Variants in FER1L5 observed in about 807,000 individuals in gnomAD.
FER1L5 encodes the protein fer-1 like family member 5, also known as fer-1-like protein 5.
FER1L5 carries 187 observed loss-of-function variants against 279.9 expected under a neutral mutation model. That is an observed-to-expected ratio of 0.67 (90% CI 0.59 to 0.75). The LOEUF (loss-of-function observed/expected upper bound fraction) is 0.75, where lower values mean the gene tolerates loss of function less well. Ranked by LOEUF, FER1L5 falls within the 30% of genes least tolerant of loss-of-function variation. The probability of loss-of-function intolerance (pLI) is 0.00; values close to 1 mark genes in which losing one functional copy is unlikely to be tolerated. For synonymous variants in FER1L5, 921 were observed against 989.7 expected (o/e 0.93, Z 1.30); for missense variants, 2,091 against 2,594.4 (o/e 0.81, Z 4.21).
At chr2:96,674,259 G>A (rs1015099648) in intron 19 of FER1L5, among the ~76,000 whole-genome samples, 1 of 152,176 alleles carries the variant, frequency 6.6e-6, no homozygotes. Context: ...ATGTCTCTCT[G>A]TTGCCCAGGC....
At chr2:96,684,472 T>G in intron 20 of FER1L5, 21 bp downstream of exon 20, 1 of 1,546,676 alleles carries the variant, frequency 6.5e-7, no homozygotes, top group Middle Eastern at 1.7e-4. Context: ...CGGGAGCCGA[T>G]GCTGGGAAGA....
intron 8 of FER1L5, chr2:96,654,066 C>A (rs540680903): frequency 5.6e-6 from 2 of 354,474 alleles, no homozygotes; most frequent in East Asian, 5.7e-5. Context: ...CTACTATGTG[C>A]CCAGCACAGG....
chr2:96,696,040 C>A lies in FER1L5; in HGVS notation c.4058-12C>A. On this transcript the variant is annotated splice_polypyrimidine_tract_variant and intron_variant, in intron 36 of 52. Transcript: ENST00000624922. ...CCATCCTGAGACTCGTCCCTGCGCT[C>A]TCCCCGCACAGCGCTGTCTGAGAAG... The A allele has an allele frequency of 6.2e-7, 1 of 1,613,948 alleles. No individual in the cohort carries two copies.
At chr2:96,696,641 C>CGGG (rs2077392084) in intron 37 of FER1L5, among the ~76,000 whole-genome samples, 1 of 151,992 alleles carries the variant, frequency 6.6e-6, no homozygotes, top group Non-Finnish European at 1.5e-5. Flanking sequence ...TGGCTCACAT[C>CGGG]TGTAATCCCA....
chr2:96,686,256 A>G lies in FER1L5; in HGVS notation c.2135A>G (p.Tyr712Cys). 2 of 1,551,622 alleles carry G rather than the reference A, an allele frequency of 1.3e-6. No homozygotes were observed. Among genetic ancestry groups the G allele is most frequent in the South Asian group, 1.2e-5 (1 of 84,066 alleles). Residue 712 changes from tyrosine (Y) to cysteine (C), a missense_variant, in exon 23 of 53, where the codon TAT (tyrosine) becomes TGT (cysteine). Transcript: ENST00000624922. ...WLVAKEQRVA[Y>C]AQVPAHSVLF... is the part of the protein sequence containing the mutation. ...GTGGCCAAGGAGCAGCGAGTGGCCTATGCACAGGTGCCTGCCCACTCCGTC... is the reference window on the plus strand; with the variant it reads ...GTGGCCAAGGAGCAGCGAGTGGCCTGTGCACAGGTGCCTGCCCACTCCGTC...
Position 96,673,100 on chromosome 2 carries a change from T to C in FER1L5, c.1515T>C (p.Tyr505=). 1 of 1,551,570 alleles carries C rather than the reference T, an allele frequency of 6.4e-7. No individual in the cohort carries two copies. The highest frequency in any genetic ancestry group is 8.7e-7 in the Non-Finnish European group (1 of 1,146,950). The change falls in exon 19 of 53, where the codon TAT becomes TAC. Residue 505 remains tyrosine (Y), a synonymous_variant. Coordinates refer to ENST00000624922, the MANE Select transcript of FER1L5 (RefSeq NM_001293083.2). ...AGAAGCACCAGAACCGCCAAAAGTA[T>C]GGGCTGTGCGTCATCTTCCTTTCCT... ...RIEKHQNRQK[Y]GLCVIFLSCT... is the part of the protein sequence containing the mutation.
At position 96,703,751 on chromosome 2, in the gene FER1L5, T is replaced by C. The variant is rs1015594956; in HGVS notation, c.5801+119T>C. The C allele has an allele frequency of 9.6e-5, 78 of 809,820 alleles. No individual in the cohort carries two copies. The Admixed American group carries it at 1.6e-3, about 17-fold the overall frequency. 50.2% of individuals were successfully genotyped at this position (809,820 alleles called of 1,614,324 possible). A position where few individuals can be genotyped will look rare whatever the true frequency, so the allele number is the denominator to read the frequency against. On this transcript the variant is annotated intron_variant, in intron 51 of 52. Transcript: ENST00000624922. ...TACCTCCCACCCCACAGCTCTGTGC[T>C]CAGTTACAATCAGCAAAGAACAGAC...
intron 6 of FER1L5, among the ~76,000 whole-genome samples, chr2:96,650,533 C>CTT (rs1216116538): frequency 1.3e-5 from 2 of 152,198 alleles, no homozygotes; most frequent in Non-Finnish European, 2.9e-5. Context: ...CACTGGCAGG[C>CTT]CCTGGTACCT....
rs768532815 is a variant in FER1L5 at position 96,647,123 on chromosome 2, C to T, written c.198C>T (p.Thr66=). 1 of 1,551,556 alleles carries T rather than the reference C, an allele frequency of 6.4e-7. No individual in the cohort carries two copies. Among genetic ancestry groups the T allele is most frequent in the African/African-American group, 1.4e-5 (1 of 73,028 alleles). ...PLENDSFLQV[T]LQDMGSQKKE... is the part of the protein sequence containing the mutation. ...AAAATGACTCCTTCCTGCAAGTCAC[C>T]CTTCAGGACATGGGCTCACAAAAGA... is the stretch of plus-strand genomic sequence containing the variant. The change falls in exon 3 of 53, where the codon ACC becomes ACT. Residue 66 remains threonine (T), a synonymous_variant. Coordinates refer to ENST00000624922, the MANE Select transcript of FER1L5 (RefSeq NM_001293083.2).
chr2:96,699,735 G>C lies in FER1L5; in HGVS notation c.4781+15G>C. On this transcript the variant is annotated intron_variant, in intron 43 of 52. Transcript: ENST00000624922. Reference sequence around the variant, plus strand: ...TCCTACTGCCAGTGAGAGTGGGCCCGTCTGGGGGAAGGGAGTCAGGTGGGG... The same window carrying C: ...TCCTACTGCCAGTGAGAGTGGGCCCCTCTGGGGGAAGGGAGTCAGGTGGGG... 1 of 1,613,322 alleles carries C rather than the reference G, an allele frequency of 6.2e-7. No homozygotes were observed. The highest frequency in any genetic ancestry group is 8.5e-7 in the Non-Finnish European group (1 of 1,179,480).
intron 19 of FER1L5, among the ~76,000 whole-genome samples, chr2:96,673,684 C>T (rs1485994240): frequency 8.6e-5 from 13 of 150,746 alleles, no homozygotes; most frequent in Admixed American, 8.6e-4. Flanking sequence ...CCAATATATA[C>T]TTATTGCACA....
At chr2:96,668,028 T>C (rs1323756205) in intron 14 of FER1L5, among the ~76,000 whole-genome samples, 1 of 152,018 alleles carries the variant, frequency 6.6e-6, no homozygotes, top group Non-Finnish European at 1.5e-5. Flanking sequence ...ACCCAGCTAA[T>C]TTTTGTATTT....
intron 19 of FER1L5, among the ~76,000 whole-genome samples, chr2:96,675,336 A>G (rs1284279537): frequency 6.6e-6 from 1 of 152,198 alleles, no homozygotes; most frequent in Non-Finnish European, 1.5e-5. Context: ...ATTATACCAA[A>G]TTACACTCTC....
At chr2:96,650,449 A>G (rs774812636) in intron 6 of FER1L5, among the ~76,000 whole-genome samples, 160 bp downstream of exon 6, 158 of 152,022 alleles carry the variant, frequency 1.0e-3, no homozygotes, top group Non-Finnish European at 1.6e-3. Context: ...TGCTCCTCCC[A>G]TGGCCGTTCT....
At position 96,694,527 on chromosome 2, in the gene FER1L5, C is replaced by A; in HGVS notation, c.3741+63C>A. The stretch of plus-strand genomic sequence containing the variant: ...GGCGGGGGTGGTCTGGAGTGCGCTG[C>A]AGCCTTCTGCTGGTCCTCCCTGACT... On this transcript the variant is annotated intron_variant, in intron 34 of 52. Coordinates refer to ENST00000624922, the MANE Select transcript of FER1L5 (RefSeq NM_001293083.2). The surrounding 1 kb of genome is among the most constrained non-coding windows in gnomAD (Gnocchi z 4.6). The A allele has an allele frequency of 7.7e-7, 1 of 1,298,412 alleles. No homozygotes were observed. The highest frequency in any genetic ancestry group is 1.7e-5 in the South Asian group (1 of 59,738). 80.4% of individuals were successfully genotyped at this position (1,298,412 alleles called of 1,614,324 possible). A position where few individuals can be genotyped will look rare whatever the true frequency, so the allele number is the denominator to read the frequency against.
intron 45 of FER1L5, among the ~76,000 whole-genome samples, 158 bp from the exon 46 acceptor site, chr2:96,701,797 G>A (rs183392021): frequency 2.6e-5 from 4 of 152,294 alleles, no homozygotes; most frequent in South Asian, 2.1e-4. Context: ...AAGCTGGTGC[G>A]TGGTCACCTG....
rs1288593178 is a variant in FER1L5, at chr2:96,698,664, C to T, written c.4357-7C>T. ...AGGCTGGGCCCCCAACACCCTCCCC[C>T]CGCCAGGGCCTTTTCCGCATCTACC... On this transcript the variant is annotated splice_polypyrimidine_tract_variant and splice_region_variant and intron_variant, in intron 40 of 52. Coordinates refer to ENST00000624922, the MANE Select transcript of FER1L5 (RefSeq NM_001293083.2). This position sits in a 1 kb window ranked among gnomAD's most constrained non-coding sequence, Gnocchi z 5.5. The T allele has an allele frequency of 1.9e-6, 3 of 1,578,436 alleles. No individual in the cohort carries two copies. The highest frequency in any genetic ancestry group is 2.6e-6 in the Non-Finnish European group (3 of 1,162,366).
intron 2 of FER1L5, 58 bp downstream of exon 2, chr2:96,646,511 G>A: frequency 6.5e-7 from 1 of 1,526,998 alleles, no homozygotes; most frequent in South Asian, 1.2e-5. Context: ...AAGGGGGCAA[G>A]GGTGGGGTCC....
Position 96,698,952 on chromosome 2 carries a change from G to A in FER1L5, c.4519-93G>A, listed in dbSNP as rs2077486947. 10 of 1,530,516 alleles carry A rather than the reference G, an allele frequency of 6.5e-6. No individual in the cohort carries two copies. The highest frequency in any genetic ancestry group is 1.7e-4 in the Middle Eastern group (1 of 5,936). 94.8% of individuals were successfully genotyped at this position (1,530,516 alleles called of 1,614,324 possible). A position where few individuals can be genotyped will look rare whatever the true frequency, so the allele number is the denominator to read the frequency against. ...ACTCCCCATAGGCTCCGTGTGGTGC[G>A]AGGGGCTTGTTTCCACCCTCCTCCC... On this transcript the variant is annotated intron_variant, in intron 41 of 52. Coordinates refer to ENST00000624922, the MANE Select transcript of FER1L5 (RefSeq NM_001293083.2). This position sits in a 1 kb window ranked among gnomAD's most constrained non-coding sequence, Gnocchi z 5.5.
Sources: gnomAD v4.1 joint callset for allele counts (sites outside exome capture counted in the v4.1 genomes callset) on GRCh38, gnomAD v4.1.1 for gene constraint, Gnocchi (gnomAD v3.1) non-coding constraint, MANE v1.5 for transcripts, NCBI Gene and HGNC (gene_info 2026-07-23, HGNC 2026-07-21) for gene names.